DNMBP: variants seen among roughly 807,000 people sequenced by gnomAD.
DNMBP encodes dynamin binding protein, also known as dynamin-binding protein.
In DNMBP, 87 loss-of-function variants were observed where a neutral mutation model predicts 150.0. That is an observed-to-expected ratio of 0.58 (90% CI 0.49 to 0.69). DNMBP has a LOEUF of 0.69. Among genes scored for constraint, DNMBP ranks in the 30% least tolerant of loss-of-function variants. The pLI is 0.00. For missense variants in DNMBP, 1,774 were observed against 1,949.0 expected (o/e 0.91, Z 1.69); for synonymous variants, 711 against 750.4 (o/e 0.95, Z 0.86).
chr10:99,924,261 C>G (rs1407284603), intron 4 of DNMBP, among the ~76,000 whole-genome samples: 6 of 150,652 alleles, frequency 4.0e-5, no homozygotes, highest in Non-Finnish European at 8.9e-5. Context: ...CACGGTGAAA[C>G]CCCGTCTCTA....
rs534329408 is a variant in DNMBP at position 99,948,280 on chromosome 10, T to A, written c.2260+6934A>T. On this transcript the variant is annotated intron_variant, in intron 4 of 16. Transcript: ENST00000324109. ...AATACTAGCACAGGAAAACTTGTCA[T>A]CTTTGATTATGATCTCTACTACTAT... 2.0e-5 allele frequency among the ~76,000 whole-genome samples: 3 copies of A among 152,350 alleles called. No homozygotes were observed. The East Asian group carries it at 5.8e-4, about 29-fold the overall frequency.
At chr10:99,909,894 T>C (rs1360418066) in intron 4 of DNMBP, among the ~76,000 whole-genome samples, 1 of 152,238 alleles carries the variant, frequency 6.6e-6, no homozygotes, top group African/African-American at 2.4e-5. Context: ...TATCCTGTCA[T>C]TAGCTTTTAC....
At chr10:99,922,248 T>G (rs1371014356) in intron 4 of DNMBP, among the ~76,000 whole-genome samples, 1 of 152,120 alleles carries the variant, frequency 6.6e-6, no homozygotes, top group Non-Finnish European at 1.5e-5. Flanking sequence ...GCCATGATAT[T>G]GCAAGTTAGT....
chr10:99,879,847 ACTT>A lies in DNMBP; in HGVS notation c.4509_4511del (p.Arg1503del), dbSNP rs772487007. On this transcript the variant is annotated inframe_deletion, in exon 16 of 17. Coordinates refer to ENST00000324109, the MANE Select transcript of DNMBP (RefSeq NM_015221.4). ...CTGCCTCACTGCCATCTGGCTCTGTACTTCTGTCTTCCGGAGCCTGGGCTGTTC... is the reference window on the plus strand; with the variant it reads ...CTGCCTCACTGCCATCTGGCTCTGTACTGTCTTCCGGAGCCTGGGCTGTTC... The A allele has an allele frequency of 3.7e-6, 6 of 1,614,050 alleles. No homozygotes were observed. In the African/African-American group the frequency reaches 8.0e-5, roughly 22 times the overall value.
chr10:99,924,398 G>A (rs1041631829), intron 4 of DNMBP, among the ~76,000 whole-genome samples: 10 of 152,162 alleles, frequency 6.6e-5, no homozygotes, highest in Admixed American at 4.6e-4. Context: ...AACTGAGATC[G>A]CACCACTGCA....
At chr10:99,913,032 T>C (rs990848160) in intron 4 of DNMBP, among the ~76,000 whole-genome samples, 1 of 152,184 alleles carries the variant, frequency 6.6e-6, no homozygotes, top group Non-Finnish European at 1.5e-5. Context: ...TGGTGGCTCA[T>C]GCCTGTAATC....
intron 3 of DNMBP, among the ~76,000 whole-genome samples, chr10:99,967,398 T>C (rs975520801): frequency 1.3e-5 from 2 of 151,964 alleles, no homozygotes; most frequent in African/African-American, 4.8e-5. Context: ...TGGTGGCAGG[T>C]GCCTGTAGTC....
Position 99,885,873 on chromosome 10 carries a change from T to C in DNMBP, c.3619-7A>G. ...TGCCAGCCACTTTGAGTAACTGGGG[T>C]CCATGGGAAGAGCAGAGATAGAGAA... On this transcript the variant is annotated splice_region_variant and splice_polypyrimidine_tract_variant and intron_variant, in intron 13 of 16. Transcript: ENST00000324109. 1 of 1,606,262 alleles carries C rather than the reference T, an allele frequency of 6.2e-7. No homozygotes were observed. Among genetic ancestry groups the C allele is most frequent in the Non-Finnish European group, 8.5e-7 (1 of 1,175,984 alleles).
chr10:99,882,511 G>A (rs2039384429), intron 15 of DNMBP, among the ~76,000 whole-genome samples: 1 of 152,176 alleles, frequency 6.6e-6, no homozygotes, highest in East Asian at 1.9e-4. Flanking sequence ...TTGAGCCTGG[G>A]AGGTGGAGGC....
At chr10:99,900,156 G>T (rs906166986) in intron 6 of DNMBP, 90 bp from the exon 7 acceptor site, 2 of 1,300,560 alleles carry the variant, frequency 1.5e-6, no homozygotes, top group Non-Finnish European at 1.1e-6. Context: ...TTTAGTACCA[G>T]CTAAATCCTA....
intron 6 of DNMBP, among the ~76,000 whole-genome samples, chr10:99,907,216 A>G (rs955660579): frequency 6.6e-6 from 1 of 151,662 alleles, no homozygotes; most frequent in Non-Finnish European, 1.5e-5. Flanking sequence ...ATTCCCAGCT[A>G]TGTGGGAGAC....
intron 1 of DNMBP, among the ~76,000 whole-genome samples, chr10:100,003,308 C>T (rs2041036219): frequency 6.6e-6 from 1 of 152,178 alleles, no homozygotes. Flanking sequence ...GATCGAGCCA[C>T]TGCACTCCAG....
intron 3 of DNMBP, among the ~76,000 whole-genome samples, chr10:99,963,070 GATT>G (rs1435334994): frequency 6.6e-6 from 1 of 152,006 alleles, no homozygotes; most frequent in South Asian, 2.1e-4. Context: ...AAATTCATTT[GATT>G]ATTATTATTT....
chr10:99,977,360 A>G (rs952083950), intron 1 of DNMBP, among the ~76,000 whole-genome samples: 1 of 152,228 alleles, frequency 6.6e-6, no homozygotes, highest in African/African-American at 2.4e-5. Flanking sequence ...ATTTTGAAAC[A>G]ATCATAAATG....
At chr10:99,959,665 C>A (rs919165024) in intron 3 of DNMBP, among the ~76,000 whole-genome samples, 1 of 151,584 alleles carries the variant, frequency 6.6e-6, no homozygotes, top group Non-Finnish European at 1.5e-5. Context: ...TCAGCCTGGG[C>A]AACATAGTGA....
intron 12 of DNMBP, 66 bp from the exon 13 acceptor site, chr10:99,886,698 ACT>A: frequency 6.7e-7 from 1 of 1,483,914 alleles, no homozygotes; most frequent in Non-Finnish European, 9.2e-7. Context: ...TATCCAAGTC[ACT>A]CTTAAGGCTG....
chr10:99,993,390 A>G (rs1295206275), intron 1 of DNMBP, among the ~76,000 whole-genome samples: 1 of 152,248 alleles, frequency 6.6e-6, no homozygotes, highest in Non-Finnish European at 1.5e-5. Context: ...TTGTGGATAT[A>G]CTAAAAACCA....
intron 4 of DNMBP, among the ~76,000 whole-genome samples, chr10:99,925,330 C>T (rs1186238468): frequency 3.9e-5 from 6 of 152,206 alleles, no homozygotes; most frequent in Non-Finnish European, 7.3e-5. Context: ...ATTTCAATTT[C>T]TCTGAGCTCT....
At chr10:99,915,058 C>G (rs2039945700) in intron 4 of DNMBP, among the ~76,000 whole-genome samples, 1 of 142,856 alleles carries the variant, frequency 7.0e-6, no homozygotes, top group East Asian at 2.0e-4. Flanking sequence ...CGTACCATTG[C>G]ACTCCAGCCT....
Sources: allele counts gnomAD v4.1 joint callset (sites outside exome capture counted in the v4.1 genomes callset), GRCh38; gene constraint gnomAD v4.1.1; transcripts MANE v1.5; gene names NCBI Gene and HGNC (gene_info 2026-07-23, HGNC 2026-07-21).